The following TSPAN9 variants were observed in gnomAD, a reference collection of about 807,000 sequenced individuals.
The protein encoded by TSPAN9 is tetraspanin-9.
TSPAN9 carries 16 observed loss-of-function variants against 31.0 expected under a neutral mutation model. The ratio of observed to expected loss-of-function variants is 0.52; its 90% CI spans 0.35 to 0.78. The LOEUF is 0.78. TSPAN9 is among the 30% of genes least tolerant of loss of function. The probability of loss-of-function intolerance (pLI) is 0.01; values close to 1 mark genes in which losing one functional copy is unlikely to be tolerated. For missense variants in TSPAN9, 272 were observed against 312.5 expected (o/e 0.87, Z 0.98); for synonymous variants, 145 against 121.6 (o/e 1.19, Z -1.27).
chr12:3,128,647 C>T (rs942500385), intron 2 of TSPAN9, among the ~76,000 whole-genome samples: 3 of 152,176 alleles, frequency 2.0e-5, no homozygotes. Flanking sequence ...GAGTCAGGCA[C>T]CCCTGCACTC....
rs1179943063 is a variant in TSPAN9, at chr12:3,272,407, A to T, written c.64-6014A>T. On this transcript the variant is annotated intron_variant, in intron 3 of 8. Coordinates refer to ENST00000011898, the MANE Select transcript of TSPAN9 (RefSeq NM_006675.5). ...ATTCATTTATTCATTCCTCCAGCAA[A>T]TATTTATCTAGTAATCCAGGCATGT... is the stretch of plus-strand genomic sequence containing the variant. Among the ~76,000 whole-genome samples the T allele has an allele frequency of 4.6e-5, 7 of 151,922 alleles. No homozygotes were observed. In the East Asian group the frequency reaches 1.4e-3, roughly 29 times the overall value.
At chr12:3,125,720 T>C (rs963085383) in intron 2 of TSPAN9, among the ~76,000 whole-genome samples, 1 of 152,102 alleles carries the variant, frequency 6.6e-6, no homozygotes, top group Non-Finnish European at 1.5e-5. Context: ...TGTAAAATAG[T>C]GCCTTGTTGT....
chr12:3,201,035 A>G (rs2098371248), intron 2 of TSPAN9, 142 bp from the exon 3 acceptor site: 1 of 709,360 alleles, frequency 1.4e-6, no homozygotes, highest in Admixed American at 2.9e-5. Context: ...CCGCGGCTTC[A>G]CGGCCGGCGC....
intron 3 of TSPAN9, among the ~76,000 whole-genome samples, chr12:3,218,091 C>G (rs1255499968): frequency 6.6e-6 from 1 of 152,070 alleles, no homozygotes; most frequent in African/African-American, 2.4e-5. Context: ...CTTGGCAGGA[C>G]AATATGGGAT....
intron 2 of TSPAN9, among the ~76,000 whole-genome samples, chr12:3,161,805 ATCTATCTATCTG>A (rs1217031274): frequency 2.9e-4 from 44 of 151,422 alleles, no homozygotes; most frequent in African/African-American, 1.0e-3. Flanking sequence ...CTATCTATCT[ATCTATCTATCTG>A]TCTGTCTGTT....
chr12:3,217,657 C>T (rs568841525), intron 3 of TSPAN9, among the ~76,000 whole-genome samples: 21 of 152,128 alleles, frequency 1.4e-4, no homozygotes, highest in Non-Finnish European at 2.5e-4. Flanking sequence ...GACCAGAACC[C>T]GCAGGGACTC....
At chr12:3,248,639 AT>A (rs1264859451) in intron 3 of TSPAN9, among the ~76,000 whole-genome samples, 1,508 of 127,496 alleles carry the variant, frequency 0.012, 15 homozygotes, top group Non-Finnish European at 0.021. Context: ...AATAGATCAT[AT>A]TTTTTTTTTT....
intron 2 of TSPAN9, among the ~76,000 whole-genome samples, chr12:3,108,644 C>T (rs115890179): frequency 0.016 from 2,428 of 152,296 alleles, 66 homozygotes; most frequent in African/African-American, 0.055. Flanking sequence ...CTCCTTCCCC[C>T]GTTTTCTCCT....
At chr12:3,194,961 A>G (rs1052099824) in intron 2 of TSPAN9, among the ~76,000 whole-genome samples, 8 of 152,246 alleles carry the variant, frequency 5.3e-5, no homozygotes, top group African/African-American at 1.7e-4. Context: ...TGTACTGTAC[A>G]GTGGAAGAAG....
chr12:3,224,240 C>G (rs61907332), intron 3 of TSPAN9, among the ~76,000 whole-genome samples: 45,250 of 152,088 alleles, frequency 0.3, 6,937 homozygotes, highest in African/African-American at 0.36. Flanking sequence ...CAGGCAGCAT[C>G]TGGTTTCCCT....
At chr12:3,222,163 T>C (rs2098384910) in intron 3 of TSPAN9, among the ~76,000 whole-genome samples, 1 of 152,106 alleles carries the variant, frequency 6.6e-6, no homozygotes, top group Non-Finnish European at 1.5e-5. Flanking sequence ...ACTTTTACTA[T>C]GCTCAAGGCA....
chr12:3,200,661 C>T (rs1368239180), intron 2 of TSPAN9: 1 of 152,370 alleles, frequency 6.6e-6, no homozygotes, highest in Non-Finnish European at 1.5e-5. Flanking sequence ...GAGCCGGTTC[C>T]CGGGGATCGT....
At chr12:3,282,599 T>A (rs774917498) in intron 8 of TSPAN9, among the ~76,000 whole-genome samples, 24 of 152,134 alleles carry the variant, frequency 1.6e-4, no homozygotes, top group Admixed American at 2.6e-4. Flanking sequence ...GGAGTCTCCC[T>A]CTATTGCCCA....
At chr12:3,145,736 C>T (rs1331419242) in intron 2 of TSPAN9, among the ~76,000 whole-genome samples, 3 of 152,208 alleles carry the variant, frequency 2.0e-5, no homozygotes, top group Admixed American at 6.5e-5. Flanking sequence ...GGCTGGCATC[C>T]GCCAAGGTGA....
intron 2 of TSPAN9, among the ~76,000 whole-genome samples, chr12:3,096,050 C>T (rs1032138458): frequency 5.9e-5 from 9 of 151,684 alleles, no homozygotes; most frequent in Non-Finnish European, 8.8e-5. Flanking sequence ...TCCCGGGCGG[C>T]GCTCCCGGCG....
intron 2 of TSPAN9, among the ~76,000 whole-genome samples, chr12:3,084,794 C>T (rs1391774292): frequency 6.6e-6 from 1 of 152,242 alleles, no homozygotes; most frequent in Non-Finnish European, 1.5e-5. Context: ...TAGTGTTAGC[C>T]GGAGCAGGGG....
chr12:3,245,023 C>A (rs2153977507), intron 3 of TSPAN9, among the ~76,000 whole-genome samples: 1 of 152,320 alleles, frequency 6.6e-6, no homozygotes, highest in Non-Finnish European at 1.5e-5. Flanking sequence ...GACTCTGTAG[C>A]AGCCCAGCCT....
At chr12:3,260,695 G>A (rs934805595) in intron 3 of TSPAN9, among the ~76,000 whole-genome samples, 1 of 152,234 alleles carries the variant, frequency 6.6e-6, no homozygotes, top group East Asian at 1.9e-4. Flanking sequence ...TTCAGTGAGG[G>A]AAGTCAGGTG....
chr12:3,150,110 G>A (rs2098339086), intron 2 of TSPAN9, among the ~76,000 whole-genome samples: 1 of 152,228 alleles, frequency 6.6e-6, no homozygotes, highest in East Asian at 1.9e-4. Context: ...AGCACCAGCA[G>A]TGACAATGTA....
Sources: allele counts gnomAD v4.1 joint callset (sites outside exome capture counted in the v4.1 genomes callset), GRCh38; gene constraint gnomAD v4.1.1; transcripts MANE v1.5; gene names NCBI Gene and HGNC (gene_info 2026-07-23, HGNC 2026-07-21).